NEK10: variants seen among roughly 807,000 people sequenced by gnomAD.
NEK10 encodes NIMA related kinase 10, also known as serine/threonine-protein kinase Nek10.
A neutral mutation model predicts 159.8 loss-of-function variants in NEK10; 122 were observed. The observed-to-expected ratio is 0.76, with a 90% CI of 0.66 to 0.89. The LOEUF is 0.89. Among genes scored for constraint, NEK10 ranks in the 40% least tolerant of loss-of-function variants. The pLI is 0.00. For synonymous variants in NEK10, 466 were observed against 457.1 expected (o/e 1.02, Z -0.25); for missense variants, 1,342 against 1,323.1 (o/e 1.01, Z -0.22).
intron 23 of NEK10, among the ~76,000 whole-genome samples, chr3:27,235,135 A>C (rs1303769787): frequency 2.0e-5 from 3 of 152,140 alleles, no homozygotes; most frequent in African/African-American, 7.2e-5. Context: ...TAAAGACTTA[A>C]ATCTAAAACC....
intron 22 of NEK10, among the ~76,000 whole-genome samples, chr3:27,260,534 G>A (rs1242590729): frequency 9.2e-5 from 14 of 152,126 alleles, no homozygotes; most frequent in African/African-American, 1.2e-4. Flanking sequence ...ATTGATTTGC[G>A]TATGTTGAAC....
At chr3:27,138,772 TG>T (rs1943481351) in intron 31 of NEK10, among the ~76,000 whole-genome samples, 1 of 152,198 alleles carries the variant, frequency 6.6e-6, no homozygotes, top group Non-Finnish European at 1.5e-5. Flanking sequence ...CAATAGGACA[TG>T]GGATGCTAGT....
chr3:27,310,877 G>C (rs1189265250), intron 9 of NEK10, 72 bp downstream of exon 9: 1 of 914,416 alleles, frequency 1.1e-6, no homozygotes, highest in Non-Finnish European at 1.8e-6. Flanking sequence ...TAACCGCAAA[G>C]GCTCTGAACT....
At chr3:27,323,306 G>A (rs903795701) in intron 5 of NEK10, among the ~76,000 whole-genome samples, 1 of 152,130 alleles carries the variant, frequency 6.6e-6, no homozygotes, top group Non-Finnish European at 1.5e-5. Context: ...GTTGCCATTC[G>A]CTAAGAGCTG....
At chr3:27,121,485 C>T (rs954463979) in intron 32 of NEK10, among the ~76,000 whole-genome samples, 3 of 152,092 alleles carry the variant, frequency 2.0e-5, no homozygotes, top group African/African-American at 7.2e-5. Context: ...TGGGTCTTTC[C>T]TGTCTGTTCT....
intron 10 of NEK10, 63 bp downstream of exon 10, chr3:27,308,863 A>C (rs2044451071): frequency 4.3e-6 from 3 of 697,370 alleles, no homozygotes; most frequent in Admixed American, 2.6e-5. Flanking sequence ...ATTATTTTGC[A>C]TCCTTACCAC....
chr3:27,179,237 A>G (rs1379070631), intron 26 of NEK10, among the ~76,000 whole-genome samples: 1 of 152,222 alleles, frequency 6.6e-6, no homozygotes. Context: ...ATTATATAAT[A>G]AAGAAAATAT....
chr3:27,206,529 G>GC, intron 23 of NEK10: 2 of 928,640 alleles, frequency 2.2e-6, no homozygotes, highest in Non-Finnish European at 2.6e-6. Flanking sequence ...CCCTTCAGTG[G>GC]CTTCCTCCTT....
intron 23 of NEK10, among the ~76,000 whole-genome samples, chr3:27,246,747 T>G (rs1450783097): frequency 1.3e-5 from 2 of 152,190 alleles, no homozygotes; most frequent in Non-Finnish European, 2.9e-5. Flanking sequence ...TCTTTCTCCA[T>G]GAGTTCAATT....
intron 6 of NEK10, among the ~76,000 whole-genome samples, chr3:27,318,543 G>C (rs1390070940): frequency 1.3e-5 from 2 of 152,194 alleles, no homozygotes; most frequent in Non-Finnish European, 2.9e-5. Context: ...GAATACACAA[G>C]TACACATGTT....
At chr3:27,163,714 G>A (rs564662883) in intron 29 of NEK10, among the ~76,000 whole-genome samples, 1 of 152,056 alleles carries the variant, frequency 6.6e-6, no homozygotes. Flanking sequence ...CTGACAAGTT[G>A]TAAGAATCAT....
chr3:27,113,615 A>T (rs1473075348), intron 35 of NEK10, among the ~76,000 whole-genome samples: 1 of 152,126 alleles, frequency 6.6e-6, no homozygotes. Context: ...TTACAAATAT[A>T]ACTGAATAAT....
intron 22 of NEK10, among the ~76,000 whole-genome samples, chr3:27,261,440 T>G (rs2040404955): frequency 6.6e-6 from 1 of 152,222 alleles, no homozygotes; most frequent in African/African-American, 2.4e-5. Context: ...TCTCATTGGT[T>G]TCAAAGAACA....
intron 1 of NEK10, among the ~76,000 whole-genome samples, chr3:27,353,564 G>T (rs959524551): frequency 6.6e-6 from 1 of 152,144 alleles, no homozygotes; most frequent in African/African-American, 2.4e-5. Flanking sequence ...ATTTAAAAAT[G>T]ATTTTCCCAA....
Position 27,162,697 on chromosome 3 carries a change from T to G in NEK10, c.2869+4A>C. 1 of 1,614,098 alleles carries G rather than the reference T, an allele frequency of 6.2e-7. No homozygotes were observed. Among genetic ancestry groups the G allele is most frequent in the Non-Finnish European group, 8.5e-7 (1 of 1,179,962 alleles). ...TGATTTTATTGCTACCAACACTAAG[T>G]TACCTGGTCTTGGTCTTGATCCTGT... On this transcript the variant is annotated splice_donor_region_variant and intron_variant, in intron 30 of 35. Transcript: ENST00000691995.
At chr3:27,154,434 C>G (rs1292709551) in intron 30 of NEK10, among the ~76,000 whole-genome samples, 1 of 152,158 alleles carries the variant, frequency 6.6e-6, no homozygotes. Context: ...GGAACCCTCC[C>G]TAATTCATTC....
At position 27,312,190 on chromosome 3, in the gene NEK10, C is replaced by T; in HGVS notation, c.490-13G>A. 1 of 1,563,308 alleles carries T rather than the reference C, an allele frequency of 6.4e-7. No homozygotes were observed. The highest frequency in any genetic ancestry group is 8.7e-7 in the Non-Finnish European group (1 of 1,147,042). On this transcript the variant is annotated splice_polypyrimidine_tract_variant and intron_variant, in intron 7 of 35. Transcript: ENST00000691995. ...CAATCTCCATATACTGCATGAAGGA[C>T]CAAACCAACAAGCCAGTCAGGACAC...
At chr3:27,177,024 GA>G (rs973979132) in intron 26 of NEK10, among the ~76,000 whole-genome samples, 1 of 152,138 alleles carries the variant, frequency 6.6e-6, no homozygotes, top group Non-Finnish European at 1.5e-5. Context: ...AGTCCCCGCT[GA>G]AAAAGGCAAT....
chr3:27,357,005 A>G (rs1185096021), intron 1 of NEK10, among the ~76,000 whole-genome samples: 3 of 152,202 alleles, frequency 2.0e-5, no homozygotes, highest in African/African-American at 7.2e-5. Flanking sequence ...TTATTTTGTC[A>G]GTTATTTGCT....
Sources: gnomAD v4.1 joint callset for allele counts (sites outside exome capture counted in the v4.1 genomes callset) on GRCh38, gnomAD v4.1.1 for gene constraint, MANE v1.5 for transcripts, NCBI Gene and HGNC (gene_info 2026-07-23, HGNC 2026-07-21) for gene names.